Variants in SEBOX observed in about 807,000 individuals in gnomAD.
SEBOX encodes the protein homeobox protein SEBOX.
In SEBOX, 10 loss-of-function variants were observed where a neutral mutation model predicts 7.8. The observed-to-expected ratio is 1.28, with a 90% CI of 0.79 to 2.17. SEBOX has a LOEUF of 2.17. SEBOX is among the 30% of genes most tolerant of loss of function. The pLI is 0.00. For missense variants in SEBOX, 240 were observed against 239.5 expected, an observed-to-expected ratio of 1.00 and a Z score of -0.01; for synonymous variants, 98 against 91.5, an observed-to-expected ratio of 1.07 and a Z score of -0.40.
chr17:28,364,833 G>C lies in SEBOX; in HGVS notation c.154C>G (p.Leu52Val). 6.2e-7 allele frequency: 1 copy of C among 1,613,936 alleles called. No individual in the cohort carries two copies. Among genetic ancestry groups the C allele is most frequent in the Non-Finnish European group, 8.5e-7 (1 of 1,179,864 alleles). ...PYPNISTHEH[L>V]AWVTCLPEAK... is the part of the protein sequence containing the mutation. ...TCAGGAAGGCAAGTGACCCAGGCCAGGTGCTCATGGGTGCTGATGTTGGGG... is the reference window on the plus strand; with the variant it reads ...TCAGGAAGGCAAGTGACCCAGGCCACGTGCTCATGGGTGCTGATGTTGGGG... The change falls in exon 2 of 3, where the codon CTG becomes GTG. Residue 52 changes from leucine to valine, a missense_variant. Physicochemically the swap from Leu to Val is conservative, Grantham distance 32 (BLOSUM62 1). Transcript: ENST00000536498.
rs887199702 is a variant in SEBOX, at chr17:28,364,973, G to T, written c.32-18C>A. ...GCCACCGTCTGCAGGCCATGGTGGG[G>T]GTCAAGCTGGGACTCCCTGCAAGAG... is the stretch of plus-strand genomic sequence containing the variant. On this transcript the variant is annotated intron_variant, in intron 1 of 2. Coordinates refer to ENST00000536498, the MANE Select transcript of SEBOX (RefSeq NM_001080837.4). 6.2e-7 allele frequency: 1 copy of T among 1,602,804 alleles called. No homozygotes were observed. The highest frequency in any genetic ancestry group is 1.9e-4 in the Middle Eastern group (1 of 5,342).
chr17:28,365,010 C>A, intron 1 of SEBOX, 55 bp from the exon 2 acceptor site: 1 of 1,581,300 alleles, frequency 6.3e-7, no homozygotes. Context: ...CTCCACCCAG[C>A]CTCAAAGCCC....
chr17:28,364,624 T>A lies in SEBOX; in HGVS notation c.217A>T (p.Lys73Ter). ...CCTGACTTCCTGTTCTTGATTATTT[T>A]GGCCCAGCGCTTCTGGAACCACACC... Reference protein sequence around the residue: ...VQVWFQKRWAKIIKNRKSGIL... With the variant: ...VQVWFQKRWA The change falls in exon 3 of 3, where the codon AAA becomes TAA. Residue 73 changes from lysine to a stop codon, truncating the protein, a stop_gained. Coordinates refer to ENST00000536498, the MANE Select transcript of SEBOX (RefSeq NM_001080837.4). LOFTEE classifies it low-confidence loss of function (END_TRUNC). 1 of 1,545,712 alleles carries A rather than the reference T, an allele frequency of 6.5e-7. No individual in the cohort carries two copies. Among genetic ancestry groups the A allele is most frequent in the Non-Finnish European group, 8.7e-7 (1 of 1,149,076 alleles).
rs2067881319 is a variant in SEBOX, at chr17:28,363,647, T to A, written c.*621A>T. ...CAGCCCCACATCAGAGGGCATCCAA[T>A]CTGATCTTTGTGAAAATTAAATCAA... is the stretch of plus-strand genomic sequence containing the variant. On this transcript the variant is annotated 3_prime_UTR_variant, in exon 3 of 3. Coordinates refer to ENST00000536498, the MANE Select transcript of SEBOX (RefSeq NM_001080837.4). The A allele has an allele frequency of 6.6e-6, 1 of 152,252 alleles. No homozygotes were observed. The highest frequency in any genetic ancestry group is 2.4e-5 in the African/African-American group (1 of 41,454). 9.4% of individuals were successfully genotyped at this position (152,252 alleles called of 1,614,324 possible).
chr17:28,364,573 G>A lies in SEBOX; in HGVS notation c.268C>T (p.Pro90Ser). 8 of 1,564,982 alleles carry A rather than the reference G, an allele frequency of 5.1e-6. No individual in the cohort carries two copies. The highest frequency in any genetic ancestry group is 6.9e-6 in the Non-Finnish European group (8 of 1,155,502). The change falls in exon 3 of 3, where the codon CCC (proline) becomes TCC (serine). Residue 90 changes from proline to serine, a missense_variant. Physicochemically the swap from Pro to Ser is moderately conservative, Grantham distance 74. Transcript: ENST00000536498. ...TCTGGAAGAGAACAGGAGCTCTGGG[G>A]GCACTCAGACCCAGGGCTTAGAATT... The part of the protein sequence containing the change: ...SGILSPGSEC[P>S]QSSCSLPDTL...
chr17:28,364,575 C>A lies in SEBOX; in HGVS notation c.266G>T (p.Cys89Phe). The change falls in exon 3 of 3, where the codon TGC becomes TTC. Residue 89 changes from cysteine to phenylalanine, a missense_variant. By Grantham distance (205) the Cys-to-Phe change is radical. Coordinates refer to ENST00000536498, the MANE Select transcript of SEBOX (RefSeq NM_001080837.4). ...TGGAAGAGAACAGGAGCTCTGGGGG[C>A]ACTCAGACCCAGGGCTTAGAATTCC... ...KSGILSPGSECPQSSCSLPDT... is the reference protein window; with the variant it reads ...KSGILSPGSEFPQSSCSLPDT... 6.4e-7 allele frequency: 1 copy of A among 1,559,548 alleles called. No individual in the cohort carries two copies. The highest frequency in any genetic ancestry group is 8.7e-7 in the Non-Finnish European group (1 of 1,153,298).
rs781945207 is a variant in SEBOX at position 28,365,146 on chromosome 17, G to A, written c.6C>T (p.Pro2=). 2.5e-6 allele frequency: 4 copies of A among 1,610,176 alleles called. No homozygotes were observed. The highest frequency in any genetic ancestry group is 3.4e-5 in the Admixed American group (2 of 59,544). M[P]SPVDASSADG... Reference sequence around the variant, plus strand: ...CTGCTGAGGATGCATCCACAGGGCTGGGCATGGAGCTGGCAAAGGGTAAGG... The same window carrying A: ...CTGCTGAGGATGCATCCACAGGGCTAGGCATGGAGCTGGCAAAGGGTAAGG... Residue 2 remains proline (P), a synonymous_variant, in exon 1 of 3, where the codon CCC becomes CCT. Coordinates refer to ENST00000536498, the MANE Select transcript of SEBOX (RefSeq NM_001080837.4).
At chr17:28,365,046 C>A in intron 1 of SEBOX, 75 bp downstream of exon 1, 1 of 1,573,376 alleles carries the variant, frequency 6.4e-7, no homozygotes, top group East Asian at 2.3e-5. Context: ...GTCCCTACTC[C>A]CACCCCTCTC....
chr17:28,364,693 TCCA>T (rs1567799627), intron 2 of SEBOX, 45 bp from the exon 3 acceptor site: 4 of 1,572,574 alleles, frequency 2.5e-6, no homozygotes, highest in Non-Finnish European at 8.6e-7. Context: ...CAGCATCCCC[TCCA>T]CCCAGGGACA....
intron 1 of SEBOX, 39 bp downstream of exon 1, chr17:28,365,082 T>G (rs114586198): frequency 3.8e-5 from 61 of 1,589,440 alleles, no homozygotes; most frequent in Middle Eastern, 1.7e-4. Context: ...TACCATGGCC[T>G]GCGTTCTCAC....
Position 28,364,223 on chromosome 17 carries a change from G to A in SEBOX, c.*45C>T, listed in dbSNP as rs782158960. The A allele has an allele frequency of 3.2e-6, 5 of 1,555,720 alleles. No individual in the cohort carries two copies. The African/African-American group carries it at 5.4e-5, about 17-fold the overall frequency. On this transcript the variant is annotated 3_prime_UTR_variant, in exon 3 of 3. Coordinates refer to ENST00000536498, the MANE Select transcript of SEBOX (RefSeq NM_001080837.4). ...GTTCAATCCCAGGAGGGGCAGGGTGGGCCACAGGAGTCAGAGGAGGGGCCT... is the reference window on the plus strand; with the variant it reads ...GTTCAATCCCAGGAGGGGCAGGGTGAGCCACAGGAGTCAGAGGAGGGGCCT...
In SEBOX at chr17:28,364,703, G is replaced by A. The variant is rs559702557; in HGVS notation, c.193-55C>T. The A allele has an allele frequency of 1.2e-4, 187 of 1,581,596 alleles. No homozygotes were observed. In the African/African-American group the frequency reaches 2.3e-3, roughly 19 times the overall value. On this transcript the variant is annotated intron_variant, in intron 2 of 2. Coordinates refer to ENST00000536498, the MANE Select transcript of SEBOX (RefSeq NM_001080837.4). Reference sequence around the variant, plus strand: ...GGCCCCAGCATCCCCTCCACCCAGGGACAGGGGAAACAACCTGAAGGCAGG... The same window carrying A: ...GGCCCCAGCATCCCCTCCACCCAGGAACAGGGGAAACAACCTGAAGGCAGG...
chr17:28,364,151 G>A lies in SEBOX; in HGVS notation c.*117C>T. ...CTGAGCTAAACTCCTTTCCCGTAGG[G>A]AATCCCTTTGCATAAAAAGTGGGGC... is the stretch of plus-strand genomic sequence containing the variant. On this transcript the variant is annotated 3_prime_UTR_variant, in exon 3 of 3. Transcript: ENST00000536498. 1 of 1,029,320 alleles carries A rather than the reference G, an allele frequency of 9.7e-7. No homozygotes were observed. Among genetic ancestry groups the A allele is most frequent in the South Asian group, 1.7e-5 (1 of 59,280 alleles). 63.8% of individuals were successfully genotyped at this position (1,029,320 alleles called of 1,614,324 possible).
chr17:28,364,743 G>C, intron 2 of SEBOX, 52 bp downstream of exon 2: 1 of 1,607,662 alleles, frequency 6.2e-7, no homozygotes, highest in Non-Finnish European at 8.5e-7. Context: ...CCAGCGAAGG[G>C]GCTGTGGGCC....
Position 28,364,827 on chromosome 17 carries a change from A to G in SEBOX, c.160T>C (p.Trp54Arg). 1 of 1,613,940 alleles carries G rather than the reference A, an allele frequency of 6.2e-7. No homozygotes were observed. Among genetic ancestry groups the G allele is most frequent in the Non-Finnish European group, 8.5e-7 (1 of 1,179,860 alleles). ...PNISTHEHLAWVTCLPEAKVQ... is the reference protein window; with the variant it reads ...PNISTHEHLARVTCLPEAKVQ... ...TTGGCCTCAGGAAGGCAAGTGACCC[A>G]GGCCAGGTGCTCATGGGTGCTGATG... The change falls in exon 2 of 3, where the codon TGG (tryptophan) becomes CGG (arginine). Residue 54 changes from tryptophan to arginine, a missense_variant. Transcript: ENST00000536498.
chr17:28,364,342 G>A lies in SEBOX; in HGVS notation c.499C>T (p.Pro167Ser). Reference sequence around the variant, plus strand: ...GACAGGCTGCCTAGTGAAGTCTGGGGAGTAGCTCGCTCTAAAGAAGGGTGG... The same window carrying A: ...GACAGGCTGCCTAGTGAAGTCTGGGAAGTAGCTCGCTCTAAAGAAGGGTGG... ...EVHPSLERAT[P>S]QTSLGSLSDL... Residue 167 changes from proline to serine, a missense_variant, in exon 3 of 3, where the codon CCC becomes TCC. Pro to Ser is a moderately conservative substitution (Grantham distance 74). Transcript: ENST00000536498. 1 of 1,600,742 alleles carries A rather than the reference G, an allele frequency of 6.2e-7. No homozygotes were observed.
chr17:28,365,147 G>A lies in SEBOX; in HGVS notation c.5C>T (p.Pro2Leu), dbSNP rs1555582831. 1 of 1,610,470 alleles carries A rather than the reference G, an allele frequency of 6.2e-7. No homozygotes were observed. The highest frequency in any genetic ancestry group is 8.5e-7 in the Non-Finnish European group (1 of 1,178,400). ...TGCTGAGGATGCATCCACAGGGCTGGGCATGGAGCTGGCAAAGGGTAAGGT... is the reference window on the plus strand; with the variant it reads ...TGCTGAGGATGCATCCACAGGGCTGAGCATGGAGCTGGCAAAGGGTAAGGT... M[P>L]SPVDASSADG... The change falls in exon 1 of 3, where the codon CCC becomes CTC. Residue 2 changes from proline to leucine, a missense_variant. Physicochemically the swap from Pro to Leu is moderately conservative, Grantham distance 98. Transcript: ENST00000536498.
rs1555582793 is a variant in SEBOX at position 28,364,946 on chromosome 17, C to A, written c.41G>T (p.Ser14Ile). Residue 14 changes from serine to isoleucine, a missense_variant, in exon 2 of 3, where the codon AGC becomes ATC. Coordinates refer to ENST00000536498, the MANE Select transcript of SEBOX (RefSeq NM_001080837.4). The stretch of plus-strand genomic sequence containing the variant: ...CTTTCTCCGGTGGGAACCCAACCCG[C>A]TGCCACCGTCTGCAGGCCATGGTGG... The part of the protein sequence containing the change: ...PVDASSADGG[S>I]GLGSHRRKRT... 18 of 1,609,834 alleles carry A rather than the reference C, an allele frequency of 1.1e-5. No homozygotes were observed. Among genetic ancestry groups the A allele is most frequent in the Non-Finnish European group, 1.4e-5 (17 of 1,178,348 alleles).
Position 28,365,115 on chromosome 17 carries a change from G to C in SEBOX, c.31+6C>G, listed in dbSNP as rs782395841. ...CACCCTGCCCACACTTCCCCCATCA[G>C]ATCACCTGCTGAGGATGCATCCACA... On this transcript the variant is annotated splice_donor_region_variant and intron_variant, in intron 1 of 2. Coordinates refer to ENST00000536498, the MANE Select transcript of SEBOX (RefSeq NM_001080837.4). 1.2e-6 allele frequency: 2 copies of C among 1,606,820 alleles called. No homozygotes were observed. The highest frequency in any genetic ancestry group is 1.7e-6 in the Non-Finnish European group (2 of 1,175,834).
Sources: allele counts gnomAD v4.1 joint callset, GRCh38; gene constraint gnomAD v4.1.1; transcripts MANE v1.5; gene names NCBI Gene and HGNC (gene_info 2026-07-23, HGNC 2026-07-21).